CXCL13: variants seen among roughly 807,000 people sequenced by gnomAD.
CXCL13 encodes the protein C-X-C motif chemokine 13.
CXCL13 carries 7 observed loss-of-function variants against 12.2 expected under a neutral mutation model. The observed-to-expected ratio is 0.57, with a 90% CI of 0.33 to 1.07. The LOEUF is 1.07. Among genes scored for constraint, CXCL13 ranks in the 50% least tolerant of loss-of-function variants. The pLI is 0.04. For missense variants in CXCL13, 113 were observed against 127.4 expected, an observed-to-expected ratio of 0.89 and a Z score of 0.55; for synonymous variants, 47 against 42.4, an observed-to-expected ratio of 1.11 and a Z score of -0.42.
At position 77,546,305 on chromosome 4, in the gene CXCL13, A is replaced by G. The variant is rs193025602; in HGVS notation, c.-43+34517A>G. Among the ~76,000 whole-genome samples the G allele has an allele frequency of 1.1e-3, 164 of 152,294 alleles. 1 individual carries two copies. Among genetic ancestry groups the G allele is most frequent in the African/African-American group, 3.8e-3 (159 of 41,566 alleles). On this transcript the variant is annotated intron_variant, in intron 1 of 4. Transcript: ENST00000286758. ...ATGCCCTCTTTTTCTATTGATTGGA[A>G]TAGTTTCAGAAGTAATGGTACCAGC...
chr4:77,610,586 G>C lies in CXCL13; in HGVS notation c.198-28G>C, dbSNP rs1325675929. ...ATAGGATTGACTAAAATGTAAGACT[G>C]AATTATTTAATTTTTATTTTCCCCC... On this transcript the variant is annotated intron_variant, in intron 2 of 3. Coordinates refer to ENST00000682537, the MANE Select transcript of CXCL13 (RefSeq NM_001371558.1). The C allele has an allele frequency of 2.0e-6, 3 of 1,524,060 alleles. No individual in the cohort carries two copies. In the Admixed American group the frequency reaches 5.0e-5, roughly 25 times the overall value. 94.4% of individuals were successfully genotyped at this position (1,524,060 alleles called of 1,614,324 possible). A position where few individuals can be genotyped will look rare whatever the true frequency, so the allele number is the denominator to read the frequency against.
chr4:77,537,455 A>C (rs1299432396), intron 1 of CXCL13, among the ~76,000 whole-genome samples: 1 of 152,216 alleles, frequency 6.6e-6, no homozygotes, highest in African/African-American at 2.4e-5. Context: ...AGAGAACAAA[A>C]GTGGTTATTG....
At chr4:77,539,524 C>G (rs908167970) in intron 1 of CXCL13, among the ~76,000 whole-genome samples, 3 of 152,208 alleles carry the variant, frequency 2.0e-5, no homozygotes, top group African/African-American at 7.2e-5. Flanking sequence ...GGGCTGTCCG[C>G]ATGGCAGTGG....
At chr4:77,607,062 G>A (rs991670762) in intron 1 of CXCL13, among the ~76,000 whole-genome samples, 4 of 152,210 alleles carry the variant, frequency 2.6e-5, no homozygotes, top group Admixed American at 2.6e-4. Flanking sequence ...GACATTTTCT[G>A]AGAGGAAAGG....
chr4:77,578,188 C>A (rs1344305860), intron 1 of CXCL13, among the ~76,000 whole-genome samples: 1 of 151,912 alleles, frequency 6.6e-6, no homozygotes, highest in East Asian at 1.9e-4. Flanking sequence ...ACTTTATCCA[C>A]CCCCCTTGTT....
intron 1 of CXCL13, among the ~76,000 whole-genome samples, chr4:77,526,985 C>T (rs1045536833): frequency 1.3e-5 from 2 of 152,084 alleles, no homozygotes; most frequent in African/African-American, 4.8e-5. Context: ...ATTTGGTTTC[C>T]CTTTGTGAAA....
At chr4:77,575,019 T>A (rs954043580) in intron 1 of CXCL13, among the ~76,000 whole-genome samples, 2 of 151,944 alleles carry the variant, frequency 1.3e-5, no homozygotes, top group African/African-American at 4.9e-5. Flanking sequence ...AAACAAGTTG[T>A]GAAAATATTG....
At chr4:77,597,626 G>T (rs1484304306) in intron 1 of CXCL13, among the ~76,000 whole-genome samples, 1 of 152,132 alleles carries the variant, frequency 6.6e-6, no homozygotes, top group African/African-American at 2.4e-5. Flanking sequence ...AAATTCTCAT[G>T]GTTGGCTTAA....
chr4:77,538,881 C>T (rs749041266), intron 1 of CXCL13, among the ~76,000 whole-genome samples: 2 of 152,092 alleles, frequency 1.3e-5, no homozygotes, highest in Non-Finnish European at 2.9e-5. Flanking sequence ...TCTGTAGCAA[C>T]CTCAATTCTT....
intron 1 of CXCL13, among the ~76,000 whole-genome samples, chr4:77,567,803 C>A (rs185410632): frequency 2.0e-5 from 3 of 152,116 alleles, no homozygotes; most frequent in African/African-American, 4.8e-5. Context: ...AGGGGAGGAA[C>A]CCTCAGTTCC....
chr4:77,547,359 G>A lies in CXCL13; in HGVS notation c.-43+35571G>A, dbSNP rs912112244. Among the ~76,000 whole-genome samples, 3 of 152,156 alleles carry A rather than the reference G, an allele frequency of 2.0e-5. No individual in the cohort carries two copies. The East Asian group carries it at 5.8e-4, about 29-fold the overall frequency. On this transcript the variant is annotated intron_variant, in intron 1 of 4. Coordinates refer to the CXCL13 transcript ENST00000286758. The stretch of plus-strand genomic sequence containing the variant: ...TACATATCACATTATTATTGTGTGG[G>A]AGTCTAAGTCTCTTTCTAGGTCTCT...
At chr4:77,603,829 A>G (rs1038038042), upstream of CXCL13, among the ~76,000 whole-genome samples, 1 of 152,222 alleles carries the variant, frequency 6.6e-6, no homozygotes, top group Admixed American at 6.5e-5. Flanking sequence ...TATTGAATAC[A>G]TTCTACATGC....
intron 1 of CXCL13, among the ~76,000 whole-genome samples, chr4:77,525,010 G>A (rs1159245499): frequency 6.6e-6 from 1 of 152,194 alleles, no homozygotes; most frequent in East Asian, 1.9e-4. Flanking sequence ...AACAGTGTTG[G>A]GTGGTGAGGC....
rs1726261179 is a variant in CXCL13, at chr4:77,579,264, G to T, written c.-42-26560G>T. 1.3e-5 allele frequency among the ~76,000 whole-genome samples: 2 copies of T among 152,156 alleles called. 1 individual carries two copies. The highest frequency in any genetic ancestry group is 1.3e-4 in the Admixed American group (2 of 15,272). On this transcript the variant is annotated intron_variant, in intron 1 of 4. Transcript: ENST00000286758. Reference sequence around the variant, plus strand: ...TAATGTCAATTTATACAAACAAAATGCTTGCTTTCCCCCCAACCCCCAGAG... The same window carrying T: ...TAATGTCAATTTATACAAACAAAATTCTTGCTTTCCCCCCAACCCCCAGAG...
intron 1 of CXCL13, among the ~76,000 whole-genome samples, chr4:77,537,871 G>A (rs564984128): frequency 6.6e-6 from 1 of 152,244 alleles, no homozygotes; most frequent in African/African-American, 2.4e-5. Context: ...TGTCTAGAGG[G>A]ATGAACTCTT....
intron 1 of CXCL13, among the ~76,000 whole-genome samples, chr4:77,542,120 A>G (rs554959986): frequency 6.6e-6 from 1 of 152,206 alleles, no homozygotes; most frequent in Admixed American, 6.5e-5. Context: ...AGGAGTCTTT[A>G]GGATTTTCTA....
rs150188610 is a variant in CXCL13, at chr4:77,607,804, C to A, written c.166C>A (p.Arg56Ser). ...RFIDRIQILP[R>S]GNGCPRKEII... is the part of the protein sequence containing the mutation. ...CATTGATCGAATTCAAATCTTGCCC[C>A]GTGGGAATGGTTGTCCAAGAAAAGA... Residue 56 changes from arginine to serine, a missense_variant, in exon 2 of 4, where the codon CGT becomes AGT. By Grantham distance (110) the Arg-to-Ser change is moderately radical. Transcript: ENST00000682537. 1.2e-6 allele frequency: 2 copies of A among 1,613,922 alleles called. No homozygotes were observed. Among genetic ancestry groups the A allele is most frequent in the South Asian group, 2.2e-5 (2 of 91,060 alleles).
At chr4:77,538,775 A>G (rs1357564312) in intron 1 of CXCL13, among the ~76,000 whole-genome samples, 2 of 152,152 alleles carry the variant, frequency 1.3e-5, no homozygotes, top group Non-Finnish European at 2.9e-5. Context: ...CTTCCACTGT[A>G]CGTGTGGGCA....
At chr4:77,606,153 A>G (rs1726999011) in intron 1 of CXCL13, among the ~76,000 whole-genome samples, 1 of 152,198 alleles carries the variant, frequency 6.6e-6, no homozygotes, top group Non-Finnish European at 1.5e-5. Context: ...GAGATACCAC[A>G]AGTCCAATAT....
Sources: allele counts gnomAD v4.1 joint callset (sites outside exome capture counted in the v4.1 genomes callset), GRCh38; gene constraint gnomAD v4.1.1; transcripts MANE v1.5; gene names NCBI Gene and HGNC (gene_info 2026-07-23, HGNC 2026-07-21).